The following ROR2 variants were observed in gnomAD, a reference collection of about 807,000 sequenced individuals.
ROR2 encodes ROR family WNT receptor 2.
A neutral mutation model predicts 74.9 loss-of-function variants in ROR2; 33 were observed. That is an observed-to-expected ratio of 0.44 (90% CI 0.33 to 0.59). ROR2 has a LOEUF of 0.59. Among genes scored for constraint, ROR2 ranks in the 20% least tolerant of loss-of-function variants. The pLI, the probability that ROR2 is intolerant of heterozygous loss-of-function variation, is 0.02. For missense variants in ROR2, 1,216 were observed against 1,313.8 expected, an observed-to-expected ratio of 0.93 and a Z score of 1.15; for synonymous variants, 586 against 558.7, an observed-to-expected ratio of 1.05 and a Z score of -0.69.
intron 1 of ROR2, among the ~76,000 whole-genome samples, chr9:91,816,697 C>T (rs1281534622): frequency 2.9e-5 from 4 of 137,166 alleles, no homozygotes; most frequent in Non-Finnish European, 4.7e-5. Flanking sequence ...CACCCCCCCA[C>T]CCCCCCAACA....
At chr9:91,904,213 A>G (rs899004785) in intron 1 of ROR2, among the ~76,000 whole-genome samples, 1 of 151,924 alleles carries the variant, frequency 6.6e-6, no homozygotes, top group Non-Finnish European at 1.5e-5. Flanking sequence ...GGCCCAGGTC[A>G]TCCTTTTTTA....
Position 91,822,556 on chromosome 9 carries a change from A to G in ROR2, c.98-46738T>C, listed in dbSNP as rs78467201. On this transcript the variant is annotated intron_variant, in intron 1 of 8. Transcript: ENST00000375708. Reference sequence around the variant, plus strand: ...AAAAGCAGAGGAGGCTTTTCTTTTCAGTAGAAATGGCAAAATTAGAAAATT... The same window carrying G: ...AAAAGCAGAGGAGGCTTTTCTTTTCGGTAGAAATGGCAAAATTAGAAAATT... Among the ~76,000 whole-genome samples the G allele has an allele frequency of 3.0e-3, 464 of 152,350 alleles. 4 individuals carry two copies. The highest frequency in any genetic ancestry group is 1.0e-2 in the African/African-American group (415 of 41,584).
intron 1 of ROR2, among the ~76,000 whole-genome samples, chr9:91,777,753 G>A (rs2118943643): frequency 6.6e-6 from 1 of 152,030 alleles, no homozygotes; most frequent in Admixed American, 6.6e-5. Context: ...TGTCTCTATG[G>A]ATTTACCTAT....
intron 1 of ROR2, among the ~76,000 whole-genome samples, chr9:91,918,866 GAAGTTGAAAAAGCAAAAT>G (rs1198585601): frequency 2.6e-5 from 4 of 152,166 alleles, no homozygotes; most frequent in Admixed American, 6.5e-5. Flanking sequence ...ACAGATGACT[GAAGTTGAAAAAGCAAAAT>G]AAGGCAAAAT....
intron 1 of ROR2, among the ~76,000 whole-genome samples, chr9:91,941,083 C>T (rs1831849264): frequency 1.3e-5 from 2 of 150,656 alleles, no homozygotes; most frequent in South Asian, 4.2e-4. Context: ...CTGCAAGCTC[C>T]GCCTCCTGGG....
intron 1 of ROR2, among the ~76,000 whole-genome samples, chr9:91,942,337 G>A (rs912667704): frequency 6.6e-6 from 1 of 152,126 alleles, no homozygotes; most frequent in African/African-American, 2.4e-5. Context: ...TGCAAATCTC[G>A]CCAGTCTACA....
intron 1 of ROR2, among the ~76,000 whole-genome samples, chr9:91,885,847 T>C (rs1340159901): frequency 6.6e-6 from 1 of 151,862 alleles, no homozygotes; most frequent in African/African-American, 2.4e-5. Context: ...GAAGTGCCTT[T>C]TTAAGTAGCA....
At chr9:91,868,158 C>T (rs1384130238) in intron 1 of ROR2, among the ~76,000 whole-genome samples, 1 of 151,694 alleles carries the variant, frequency 6.6e-6, no homozygotes, top group Non-Finnish European at 1.5e-5. Flanking sequence ...AATGTCTCAA[C>T]AAAAAACCCC....
intron 1 of ROR2, among the ~76,000 whole-genome samples, chr9:91,886,299 GGGGACCCACCA>G (rs2119382678): frequency 6.6e-6 from 1 of 152,256 alleles, no homozygotes; most frequent in African/African-American, 2.4e-5. Context: ...TGGAGCCAGC[GGGGACCCACCA>G]GGGCCATCAT....
chr9:91,826,085 G>C (rs1293241459), intron 1 of ROR2, among the ~76,000 whole-genome samples: 1 of 152,164 alleles, frequency 6.6e-6, no homozygotes, highest in Non-Finnish European at 1.5e-5. Context: ...TGGTTTTGTA[G>C]TTAACAGCCC....
At chr9:91,791,348 A>G (rs1431851998) in intron 1 of ROR2, among the ~76,000 whole-genome samples, 1 of 152,244 alleles carries the variant, frequency 6.6e-6, no homozygotes, top group Non-Finnish European at 1.5e-5. Context: ...CATATAGCTG[A>G]GGGGTATAGT....
At chr9:91,776,797 T>C (rs1826433476) in intron 1 of ROR2, among the ~76,000 whole-genome samples, 1 of 151,968 alleles carries the variant, frequency 6.6e-6, no homozygotes, top group Admixed American at 6.6e-5. Context: ...CCACATGAAA[T>C]CAAACATACT....
intron 1 of ROR2, among the ~76,000 whole-genome samples, chr9:91,912,629 G>A (rs1050896986): frequency 2.6e-5 from 4 of 152,158 alleles, no homozygotes; most frequent in Non-Finnish European, 4.4e-5. Flanking sequence ...TTAAAAGAAT[G>A]TGAAGCTTAA....
chr9:91,788,242 C>T (rs1010068943), intron 1 of ROR2, among the ~76,000 whole-genome samples: 1 of 151,722 alleles, frequency 6.6e-6, no homozygotes, highest in Non-Finnish European at 1.5e-5. Context: ...AATACCAACA[C>T]ATACATAATA....
At chr9:91,819,888 G>A (rs1290265707) in intron 1 of ROR2, among the ~76,000 whole-genome samples, 1 of 151,896 alleles carries the variant, frequency 6.6e-6, no homozygotes, top group Non-Finnish European at 1.5e-5. Context: ...GTGTGTGTCT[G>A]TTTAGTGTTC....
intron 1 of ROR2, among the ~76,000 whole-genome samples, chr9:91,787,896 C>T (rs1238337340): frequency 6.6e-6 from 1 of 152,168 alleles, no homozygotes; most frequent in Non-Finnish European, 1.5e-5. Flanking sequence ...TGCTAACCAA[C>T]TGAGCTAACC....
At chr9:91,808,880 G>A (rs1242177037) in intron 1 of ROR2, among the ~76,000 whole-genome samples, 1 of 151,188 alleles carries the variant, frequency 6.6e-6, no homozygotes, top group Non-Finnish European at 1.5e-5. Flanking sequence ...GCACGTGCCT[G>A]TAGTCCCAGC....
intron 4 of ROR2, among the ~76,000 whole-genome samples, chr9:91,754,316 T>TA (rs1825674929): frequency 2.6e-5 from 4 of 151,016 alleles, no homozygotes; most frequent in Non-Finnish European, 4.4e-5. Flanking sequence ...ACATAATATA[T>TA]TTATGTAACT....
At chr9:91,945,517 A>C (rs1831991932) in intron 1 of ROR2, among the ~76,000 whole-genome samples, 1 of 152,238 alleles carries the variant, frequency 6.6e-6, no homozygotes, top group Non-Finnish European at 1.5e-5. Flanking sequence ...TTCCAGCGAC[A>C]ATTAAAGACA....
Sources: allele counts gnomAD v4.1 joint callset (sites outside exome capture counted in the v4.1 genomes callset), GRCh38; gene constraint gnomAD v4.1.1; transcripts MANE v1.5; gene names NCBI Gene and HGNC (gene_info 2026-07-23, HGNC 2026-07-21).